Variants in COL19A1 observed in about 807,000 individuals in gnomAD.
COL19A1 encodes collagen type XIX alpha 1 chain.
A neutral mutation model predicts 190.2 loss-of-function variants in COL19A1; 159 were observed. The observed-to-expected ratio is 0.84, with a 90% confidence interval of 0.73 to 0.95. COL19A1 has a LOEUF of 0.95. Ranked by LOEUF, COL19A1 falls within the 40% of genes least tolerant of loss-of-function variation. COL19A1 has a pLI of 0.00. For missense variants in COL19A1, 1,418 were observed against 1,431.9 expected (o/e 0.99, Z 0.16); for synonymous variants, 509 against 458.9 (o/e 1.11, Z -1.39).
At chr6:70,045,403 G>A (rs1005393632) in intron 14 of COL19A1, among the ~76,000 whole-genome samples, 1 of 151,068 alleles carries the variant, frequency 6.6e-6, no homozygotes, top group Admixed American at 6.6e-5. Flanking sequence ...TTTCTCCTTA[G>A]AATGGGTTAT....
chr6:70,070,054 G>C (rs1467856042), intron 15 of COL19A1, among the ~76,000 whole-genome samples: 1 of 152,072 alleles, frequency 6.6e-6, no homozygotes, highest in African/African-American at 2.4e-5. Flanking sequence ...TCCTTAAAGT[G>C]TGACAATCAA....
intron 14 of COL19A1, among the ~76,000 whole-genome samples, chr6:70,051,158 T>A (rs557952165): frequency 9.3e-4 from 142 of 152,292 alleles, no homozygotes; most frequent in African/African-American, 3.3e-3. Flanking sequence ...TTAATAATAT[T>A]GTTCTTTTCC....
In COL19A1 at chr6:69,900,317, C is replaced by A; in HGVS notation, c.245C>A (p.Ala82Glu). The A allele has an allele frequency of 6.3e-7, 1 of 1,582,326 alleles. No individual in the cohort carries two copies. The highest frequency in any genetic ancestry group is 1.2e-5 in the South Asian group (1 of 85,116). ...AAAACCTGTTTCAAATTGGGAAGTG[C>A]ACTTCTTATTAGAGACACTATGTAA... ...SDKTCFKLGSALLIRDTIKIF... is the reference protein window; with the variant it reads ...SDKTCFKLGSELLIRDTIKIF... The change falls in exon 4 of 51, where the codon GCA becomes GAA. Residue 82 changes from alanine to glutamate, a missense_variant. Physicochemically the swap from Ala to Glu is moderately radical, Grantham distance 107 (BLOSUM62 -1). Coordinates refer to ENST00000620364, the MANE Select transcript of COL19A1 (RefSeq NM_001858.6).
intron 13 of COL19A1, among the ~76,000 whole-genome samples, chr6:70,034,983 A>G (rs1456422635): frequency 6.6e-6 from 1 of 152,232 alleles, no homozygotes; most frequent in African/African-American, 2.4e-5. Context: ...GTGTTCCCTT[A>G]GCAACTGTTG....
At chr6:70,072,314 T>G (rs1056498811) in intron 15 of COL19A1, among the ~76,000 whole-genome samples, 2 of 152,104 alleles carry the variant, frequency 1.3e-5, no homozygotes, top group African/African-American at 4.8e-5. Flanking sequence ...TAAATGCACA[T>G]CTGAATAATC....
In COL19A1 at chr6:70,169,678, A is replaced by G. The variant is rs375401268; in HGVS notation, c.2568+997A>G. On this transcript the variant is annotated intron_variant, in intron 40 of 50. Transcript: ENST00000620364. ...CAACTAGTTAGGATCATATTCTGTA[A>G]TTCAGTTTCCTTTGTTTTACTATTC... is the stretch of plus-strand genomic sequence containing the variant. 7.2e-5 allele frequency among the ~76,000 whole-genome samples: 11 copies of G among 152,242 alleles called. No homozygotes were observed. In the East Asian group the frequency reaches 1.7e-3, roughly 24 times the overall value.
chr6:70,007,018 G>T (rs2150090497), intron 11 of COL19A1, among the ~76,000 whole-genome samples: 1 of 151,918 alleles, frequency 6.6e-6, no homozygotes, highest in South Asian at 2.1e-4. Context: ...GAAAGAACAG[G>T]GGAGCAAAAA....
At chr6:70,151,311 A>G in intron 30 of COL19A1, 86 bp from the exon 31 acceptor site, 2 of 1,346,436 alleles carry the variant, frequency 1.5e-6, no homozygotes, top group Middle Eastern at 2.1e-4. Flanking sequence ...CATTTTGAGG[A>G]AAAATGTCTA....
chr6:70,154,804 T>G (rs776688514), intron 31 of COL19A1, among the ~76,000 whole-genome samples: 1 of 151,872 alleles, frequency 6.6e-6, no homozygotes, highest in African/African-American at 2.4e-5. Flanking sequence ...GAATTTGGAG[T>G]CTTATGTTTG....
chr6:70,137,821 C>A, intron 19 of COL19A1, 74 bp downstream of exon 19: 2 of 1,423,582 alleles, frequency 1.4e-6, no homozygotes, highest in Non-Finnish European at 2.0e-6. Flanking sequence ...CCAAATCAGC[C>A]CCAATTCCAC....
At chr6:70,021,028 T>C (rs1410768609) in intron 11 of COL19A1, among the ~76,000 whole-genome samples, 1 of 152,148 alleles carries the variant, frequency 6.6e-6, no homozygotes, top group Non-Finnish European at 1.5e-5. Flanking sequence ...TCCAGATACA[T>C]TGAATTGTTG....
chr6:70,199,511 T>C, intron 48 of COL19A1, 97 bp from the exon 49 acceptor site: 2 of 998,446 alleles, frequency 2.0e-6, no homozygotes, highest in Non-Finnish European at 2.7e-6. Context: ...AATTAAAAAC[T>C]AAATCTTTTT....
At chr6:69,930,127 G>T (rs1281827451) in intron 6 of COL19A1, among the ~76,000 whole-genome samples, 1 of 152,098 alleles carries the variant, frequency 6.6e-6, no homozygotes, top group African/African-American at 2.4e-5. Flanking sequence ...CCTTACAATA[G>T]CAATTACTTT....
At chr6:70,142,352 A>G (rs1786311049) in intron 22 of COL19A1, among the ~76,000 whole-genome samples, 1 of 152,204 alleles carries the variant, frequency 6.6e-6, no homozygotes, top group African/African-American at 2.4e-5. Flanking sequence ...AGCTAAATCT[A>G]CGACCTTGAG....
chr6:70,141,769 TTG>T (rs1338545674), intron 20 of COL19A1, 122 bp from the exon 21 acceptor site: 8 of 649,728 alleles, frequency 1.2e-5, no homozygotes, highest in Non-Finnish European at 1.9e-5. Flanking sequence ...CTTGATTTTA[TTG>T]TGTCTTCCAT....
chr6:69,919,252 A>C (rs1485013930), intron 4 of COL19A1, among the ~76,000 whole-genome samples: 2 of 152,184 alleles, frequency 1.3e-5, no homozygotes, highest in African/African-American at 4.8e-5. Context: ...TAATTATTAC[A>C]TAGTTTGTTA....
Position 70,212,468 on chromosome 6 carries a change from A to C in COL19A1, c.*5194A>C, listed in dbSNP as rs1768263305. 6.6e-6 allele frequency among the ~76,000 whole-genome samples: 1 copy of C among 152,200 alleles called. No homozygotes were observed. The highest frequency in any genetic ancestry group is 6.5e-5 in the Admixed American group (1 of 15,282). ...AAGGTTCTGACCCTATGTCAGGGAA[A>C]TCTAAGGTGCAATTATTAAGGCCAT... On this transcript the variant is annotated 3_prime_UTR_variant, in exon 51 of 51. Transcript: ENST00000620364.
At chr6:69,960,122 T>TACA in intron 10 of COL19A1, 82 bp downstream of exon 10, 1 of 1,355,002 alleles carries the variant, frequency 7.4e-7, no homozygotes, top group Non-Finnish European at 1.0e-6. Flanking sequence ...TCTGAAATTG[T>TACA]ATTTGATTAA....
At chr6:70,010,608 T>A (rs1179937912) in intron 11 of COL19A1, among the ~76,000 whole-genome samples, 2 of 140,426 alleles carry the variant, frequency 1.4e-5, no homozygotes, top group Non-Finnish European at 3.0e-5. Context: ...CGGACGCACC[T>A]GGAAAATAGG....
Sources: allele counts gnomAD v4.1 joint callset (sites outside exome capture counted in the v4.1 genomes callset), GRCh38; gene constraint gnomAD v4.1.1; transcripts MANE v1.5; gene names NCBI Gene and HGNC (gene_info 2026-07-23, HGNC 2026-07-21).